OTOF: variants seen among roughly 807,000 people sequenced by gnomAD.
The protein encoded by OTOF is fer-1-like family member 2.
In OTOF, 218 loss-of-function variants were observed where a neutral mutation model predicts 236.8. That is an observed-to-expected ratio of 0.92 (90% CI 0.82 to 1.03). OTOF has a LOEUF of 1.03. Ranked by LOEUF, OTOF falls within the 50% of genes least tolerant of loss-of-function variation. OTOF has a pLI of 0.00. For synonymous variants in OTOF, 1,041 were observed against 1,072.5 expected (o/e 0.97, Z 0.57); for missense variants, 2,590 against 2,694.4 (o/e 0.96, Z 0.86).
intron 3 of OTOF, among the ~76,000 whole-genome samples, chr2:26,526,124 GA>G (rs1666796819): frequency 1.4e-5 from 1 of 73,512 alleles, no homozygotes; most frequent in African/African-American, 2.6e-5. Context: ...AAAAAAGGTG[GA>G]AGGATGGATG....
intron 5 of OTOF, among the ~76,000 whole-genome samples, chr2:26,506,723 G>C (rs1421784060): frequency 6.6e-6 from 1 of 152,196 alleles, no homozygotes; most frequent in Non-Finnish European, 1.5e-5. Flanking sequence ...GTCCTGGTCC[G>C]GTGCGGTGAC....
At chr2:26,507,742 C>T (rs1473722383) in intron 5 of OTOF, among the ~76,000 whole-genome samples, 1 of 152,178 alleles carries the variant, frequency 6.6e-6, no homozygotes, top group South Asian at 2.1e-4. Context: ...AGGCCAGTAT[C>T]CCAGGACCCT....
Position 26,519,520 on chromosome 2 carries a change from G to A in OTOF, c.228-411C>T, listed in dbSNP as rs1010936786. 3.9e-5 allele frequency among the ~76,000 whole-genome samples: 6 copies of A among 152,278 alleles called. No individual in the cohort carries two copies. In the Middle Eastern group the frequency reaches 0.01, roughly 259 times the overall value. Reference sequence around the variant, plus strand: ...TTCTACCCGCCTAACCATGACCAAGGTTTCCAGCCCACACCAACAGCACTC... The same window carrying A: ...TTCTACCCGCCTAACCATGACCAAGATTTCCAGCCCACACCAACAGCACTC... On this transcript the variant is annotated intron_variant, in intron 3 of 46. Transcript: ENST00000272371.
intron 9 of OTOF, 111 bp downstream of exon 9, chr2:26,494,831 G>C: frequency 7.8e-7 from 1 of 1,276,208 alleles, no homozygotes. Flanking sequence ...CACCCCTGCT[G>C]GTAGCCCTGT....
chr2:26,528,875 C>T (rs751064421), intron 2 of OTOF, among the ~76,000 whole-genome samples: 29 of 152,196 alleles, frequency 1.9e-4, no homozygotes, highest in Non-Finnish European at 3.4e-4. Context: ...TGATTAGATA[C>T]CTGCAAGAGG....
In OTOF at chr2:26,473,703, GAGC is replaced by G. The variant is rs960834812; in HGVS notation, c.3409-139_3409-137del. ...GTTCACCCCAGATTTCAAAGGGTGG[GAGC>G]AGGGCCAGGAGAGCAGAGGAGGGGC... is the stretch of plus-strand genomic sequence containing the variant. On this transcript the variant is annotated intron_variant, in intron 27 of 46. Coordinates refer to ENST00000272371, the MANE Select transcript of OTOF (RefSeq NM_194248.3). The surrounding 1 kb of genome is among the most constrained non-coding windows in gnomAD (Gnocchi z 7.2). The G allele has an allele frequency of 4.0e-6, 4 of 994,338 alleles. No homozygotes were observed. The highest frequency in any genetic ancestry group is 5.9e-6 in the Non-Finnish European group (4 of 678,850). 61.6% of individuals were successfully genotyped at this position (994,338 alleles called of 1,614,324 possible). A position where few individuals can be genotyped will look rare whatever the true frequency, so the allele number is the denominator to read the frequency against.
At position 26,477,892 on chromosome 2, in the gene OTOF, A is replaced by G. The variant is rs1440872853; in HGVS notation, c.2215-143T>C. 1.3e-6 allele frequency: 2 copies of G among 1,540,098 alleles called. No homozygotes were observed. Among genetic ancestry groups the G allele is most frequent in the African/African-American group, 1.4e-5 (1 of 72,512 alleles). Reference sequence around the variant, plus strand: ...AGGGCCATCCTGAGTATCGGTCATCATGAGGAAGTCATCAATTTCCCAGGT... The same window carrying G: ...AGGGCCATCCTGAGTATCGGTCATCGTGAGGAAGTCATCAATTTCCCAGGT... On this transcript the variant is annotated intron_variant, in intron 18 of 46. Coordinates refer to ENST00000272371, the MANE Select transcript of OTOF (RefSeq NM_194248.3). The surrounding 1 kb of genome is among the most constrained non-coding windows in gnomAD (Gnocchi z 4.7).
chr2:26,527,051 C>T (rs551933037), intron 3 of OTOF, among the ~76,000 whole-genome samples: 1 of 152,320 alleles, frequency 6.6e-6, no homozygotes, highest in Non-Finnish European at 1.5e-5. Flanking sequence ...CTTCTGAATT[C>T]TTCTCATGGC....
At chr2:26,555,310 C>T (rs1257549249) in intron 1 of OTOF, among the ~76,000 whole-genome samples, 1 of 152,218 alleles carries the variant, frequency 6.6e-6, no homozygotes, top group Non-Finnish European at 1.5e-5. Context: ...CTGTGGCCTG[C>T]AGGCACAATA....
rs111652697 is a variant in OTOF, at chr2:26,527,794, G to A, written c.227+38C>T. On this transcript the variant is annotated intron_variant, in intron 3 of 46. Transcript: ENST00000272371. ...AAGGAGAAGAGCAGGCTCCCAGCCCGTCCAGGCCCAGCCCCTCCTGCCCCA... is the reference window on the plus strand; with the variant it reads ...AAGGAGAAGAGCAGGCTCCCAGCCCATCCAGGCCCAGCCCCTCCTGCCCCA... The A allele has an allele frequency of 1.3e-4, 194 of 1,477,028 alleles. 1 individual carries two copies. In the South Asian group the frequency reaches 1.6e-3, roughly 12 times the overall value. 91.5% of individuals were successfully genotyped at this position (1,477,028 alleles called of 1,614,324 possible). A position where few individuals can be genotyped will look rare whatever the true frequency, so the allele number is the denominator to read the frequency against.
intron 12 of OTOF, 60 bp from the exon 13 acceptor site, chr2:26,483,708 G>A (rs1665627319): frequency 6.7e-7 from 1 of 1,486,334 alleles, no homozygotes; most frequent in Non-Finnish European, 9.3e-7. Context: ...CCCCCATCCT[G>A]GCATCTACAC....
chr2:26,482,405 C>T lies in OTOF; in HGVS notation c.1579+1G>A. ...AGCACACCGGGTCTCCCGCTGCTGA[C>T]CTTTGTCTCCGTCATTAGAAATCTT... On this transcript the variant is annotated splice_donor_variant, in intron 14 of 46. Transcript: ENST00000272371. LOFTEE classifies it high-confidence loss of function. The T allele has an allele frequency of 1.2e-6, 2 of 1,613,110 alleles. No homozygotes were observed. The highest frequency in any genetic ancestry group is 1.7e-6 in the Non-Finnish European group (2 of 1,179,978).
In OTOF at chr2:26,502,388, G is replaced by A; in HGVS notation, c.622C>T (p.Leu208=). Residue 208 remains leucine (L), a synonymous_variant, in exon 7 of 47, where the codon CTG becomes TTG. Coordinates refer to ENST00000272371, the MANE Select transcript of OTOF (RefSeq NM_194248.3). The part of the protein sequence containing the change: ...AVLEMEDLDH[L]AIRLGDGLDP... ...AGTCCATCTCCTAGCCGAATGGCCA[G>A]ATGGTCAAGGTCTTCCATCTCCAGC... 1.2e-6 allele frequency: 2 copies of A among 1,613,938 alleles called. No homozygotes were observed. Among genetic ancestry groups the A allele is most frequent in the Non-Finnish European group, 1.7e-6 (2 of 1,179,956 alleles).
rs368297003 is a variant in OTOF at position 26,466,740 on chromosome 2, C to T, written c.4474G>A (p.Val1492Met). ...QGIPSNDPIN[V>M]LVRVYVVRAT... ...CGGACCACATAGACTCGGACCAGCA[C>T]ATTGATGGGGTCATTGCTCGGGATG... The change falls in exon 36 of 47, where the codon GTG (valine) becomes ATG (methionine). Residue 1492 changes from valine (V) to methionine (M), a missense_variant. Val to Met is a conservative substitution (Grantham distance 21). Transcript: ENST00000272371. 2.0e-5 allele frequency: 32 copies of T among 1,614,214 alleles called. No homozygotes were observed. The East Asian group carries it at 4.9e-4, about 25-fold the overall frequency.
At chr2:26,478,490 G>A (rs1476011736) in intron 18 of OTOF, among the ~76,000 whole-genome samples, 1 of 152,154 alleles carries the variant, frequency 6.6e-6, no homozygotes, top group Non-Finnish European at 1.5e-5. Context: ...GGAAGGGCGG[G>A]ATTATCTGCT....
At position 26,558,692 on chromosome 2, in the gene OTOF, C is replaced by A. The variant is rs892101902; in HGVS notation, c.-121G>T. ...CCTCCTCCTCCTCCTCCCGACCCCC[C>A]TCCGATGCTGCCCACAGAGACCAAG... On this transcript the variant is annotated 5_prime_UTR_variant, in exon 1 of 47. In the 5' UTR this introduces an upstream ATG that the reference lacks. Transcript: ENST00000272371. 3 of 838,048 alleles carry A rather than the reference C, an allele frequency of 3.6e-6. No homozygotes were observed. The highest frequency in any genetic ancestry group is 3.4e-5 in the African/African-American group (2 of 59,164). 51.9% of individuals were successfully genotyped at this position (838,048 alleles called of 1,614,324 possible).
chr2:26,521,517 G>C (rs1468364052), intron 3 of OTOF, among the ~76,000 whole-genome samples: 2 of 152,210 alleles, frequency 1.3e-5, no homozygotes, highest in African/African-American at 4.8e-5. Context: ...CCCCTTCCAG[G>C]AGGAATCCCT....
At chr2:26,479,406 G>A in intron 17 of OTOF, 22 bp from the exon 18 acceptor site, 1 of 1,611,358 alleles carries the variant, frequency 6.2e-7, no homozygotes, top group Non-Finnish European at 8.5e-7. Context: ...AGAGGCGGGA[G>A]GTGAGGTCTT....
At position 26,481,920 on chromosome 2, in the gene OTOF, C is replaced by T. The variant is rs182473666; in HGVS notation, c.1579+486G>A. Reference sequence around the variant, plus strand: ...CTATCTCCTCAATACACAGTGAGCACTTTGATCCAGGAATAGATTCTTATC... The same window carrying T: ...CTATCTCCTCAATACACAGTGAGCATTTTGATCCAGGAATAGATTCTTATC... On this transcript the variant is annotated intron_variant, in intron 14 of 46. Transcript: ENST00000272371. Among the ~76,000 whole-genome samples, 5 of 152,242 alleles carry T rather than the reference C, an allele frequency of 3.3e-5. No homozygotes were observed. In the East Asian group the frequency reaches 9.7e-4, roughly 29 times the overall value.
Sources: gnomAD v4.1 joint callset for allele counts (sites outside exome capture counted in the v4.1 genomes callset) on GRCh38, gnomAD v4.1.1 for gene constraint, Gnocchi (gnomAD v3.1) non-coding constraint, MANE v1.5 for transcripts, NCBI Gene and HGNC (gene_info 2026-07-23, HGNC 2026-07-21) for gene names.